Variants in SLC5A3 observed in about 807,000 individuals in gnomAD.
The protein encoded by SLC5A3 is solute carrier family 5 member 3, also known as sodium/myo-inositol cotransporter.
In SLC5A3, 10 loss-of-function variants were observed where a neutral mutation model predicts 43.2. That is an observed-to-expected ratio of 0.23 (90% confidence interval 0.14 to 0.39). The LOEUF is 0.39. SLC5A3 is among the 10% of genes least tolerant of loss of function. The pLI is 1.00. For missense variants in SLC5A3, 608 were observed against 893.4 expected, an observed-to-expected ratio of 0.68 and a Z score of 4.07; for synonymous variants, 349 against 322.0, an observed-to-expected ratio of 1.08 and a Z score of -0.90.
At chr21:34,075,319 G>A (rs1163965368) in intron 1 of SLC5A3, among the ~76,000 whole-genome samples, 1 of 152,188 alleles carries the variant, frequency 6.6e-6, no homozygotes, top group Admixed American at 6.5e-5. Flanking sequence ...CCTTTGAAAT[G>A]AAGACTTGCC....
intron 1 of SLC5A3, among the ~76,000 whole-genome samples, chr21:34,091,303 G>C (rs1213208683): frequency 6.6e-6 from 1 of 152,174 alleles, no homozygotes; most frequent in Non-Finnish European, 1.5e-5. Context: ...GAAGCCCTGA[G>C]TATAGGAGAT....
rs758824444 is a variant in SLC5A3 at position 34,073,779 on chromosome 21, C to G, written c.-337+34C>G. 8.3e-6 allele frequency: 12 copies of G among 1,446,156 alleles called. 1 individual carries two copies. In the South Asian group the frequency reaches 1.5e-4, roughly 18 times the overall value. The allele number at this position is 1,446,156 out of a possible 1,614,324, so 89.6% of individuals were successfully genotyped here. On this transcript the variant is annotated intron_variant, in intron 1 of 1. Coordinates refer to ENST00000381151, the MANE Select transcript of SLC5A3 (RefSeq NM_006933.7). ...CCTTCCCTCAGAGCCGGTCTTCCCG[C>G]GCGGGCGCCCCCGCTGCCGCTAGGC...
intron 1 of SLC5A3, among the ~76,000 whole-genome samples, chr21:34,092,993 CA>C (rs910995137): frequency 2.6e-5 from 4 of 152,148 alleles, no homozygotes; most frequent in African/African-American, 9.7e-5. Flanking sequence ...TTGTAATTGA[CA>C]CAGCAGTTTT....
In SLC5A3 at chr21:34,096,588, C is replaced by T. The variant is rs897218283; in HGVS notation, c.1390C>T (p.Arg464Cys). 2 of 1,613,968 alleles carry T rather than the reference C, an allele frequency of 1.2e-6. No individual in the cohort carries two copies. The highest frequency in any genetic ancestry group is 1.7e-6 in the Non-Finnish European group (2 of 1,180,000). ...ALFLLAIFWK[R>C]CNEQGAFYGG... The stretch of plus-strand genomic sequence containing the variant: ...GTTCCTGCTGGCAATTTTCTGGAAG[C>T]GCTGCAATGAACAAGGGGCTTTCTA... Residue 464 changes from arginine to cysteine, a missense_variant, in exon 2 of 2, where the codon CGC (arginine) becomes TGC (cysteine). By Grantham distance (180) the Arg-to-Cys change is radical. Coordinates refer to ENST00000381151, the MANE Select transcript of SLC5A3 (RefSeq NM_006933.7). The surrounding 1 kb of genome is among the most constrained non-coding windows in gnomAD (Gnocchi z 5.9).
At position 34,096,649 on chromosome 21, in the gene SLC5A3, G is replaced by GT; in HGVS notation, c.1454dup (p.Leu485PhefsTer13). On this transcript the variant is annotated frameshift_variant, in exon 2 of 2. Coordinates refer to ENST00000381151, the MANE Select transcript of SLC5A3 (RefSeq NM_006933.7). LOFTEE classifies it high-confidence loss of function. This position sits in a 1 kb window ranked among gnomAD's most constrained non-coding sequence, Gnocchi z 5.9. ...GCTGGCTTTGTTCTTGGAGCAGTCC[G>GT]TTTGATACTGGCCTTTGCCTACCGT... The GT allele has an allele frequency of 6.2e-7, 1 of 1,614,130 alleles. No homozygotes were observed. Among genetic ancestry groups the GT allele is most frequent in the Non-Finnish European group, 8.5e-7 (1 of 1,180,006 alleles).
intron 1 of SLC5A3, among the ~76,000 whole-genome samples, chr21:34,084,768 G>A (rs1989533505): frequency 6.6e-6 from 1 of 152,068 alleles, no homozygotes; most frequent in Non-Finnish European, 1.5e-5. Flanking sequence ...TTAATTTCCA[G>A]TCTGCTCACC....
Position 34,089,549 on chromosome 21 carries a change from C to T in SLC5A3, c.-336-5314C>T, listed in dbSNP as rs76277412. ...CAGGTTAAAATGAATATATCTTGGG[C>T]GGAGTGTATATGGATGAAGTAAATC... On this transcript the variant is annotated intron_variant, in intron 1 of 1. Transcript: ENST00000381151. Among the ~76,000 whole-genome samples the T allele has an allele frequency of 7.7e-3, 1,166 of 152,034 alleles. 14 individuals carry two copies. The highest frequency in any genetic ancestry group is 0.027 in the African/African-American group (1,106 of 41,454).
chr21:34,101,939 A>T lies in SLC5A3; in HGVS notation c.*4584A>T. On this transcript the variant is annotated 3_prime_UTR_variant, in exon 2 of 2. Coordinates refer to ENST00000381151, the MANE Select transcript of SLC5A3 (RefSeq NM_006933.7). Reference sequence around the variant, plus strand: ...AAATGATGGTGTCAGAGTGCAGAGAAACAATGGAGTTTTGATGCCAAAAAG... The same window carrying T: ...AAATGATGGTGTCAGAGTGCAGAGATACAATGGAGTTTTGATGCCAAAAAG... 1.0e-6 allele frequency: 1 copy of T among 1,000,160 alleles called. No homozygotes were observed. The highest frequency in any genetic ancestry group is 1.2e-6 in the Non-Finnish European group (1 of 829,890). The allele number at this position is 1,000,160 out of a possible 1,614,324, so 62.0% of individuals were successfully genotyped here.
Position 34,097,186 on chromosome 21 carries a change from G to C in SLC5A3, c.1988G>C (p.Gly663Ala). The change falls in exon 2 of 2, where the codon GGC becomes GCC. Residue 663 changes from glycine (G) to alanine (A), a missense_variant. This residue lies in a region of SLC5A3 where 210 missense variants were observed against 224.8 expected (regional missense o/e 0.93). Transcript: ENST00000381151. ...TGGAAGTTCATAGACTGGTTTTGTGGCTTTAAAAGTAAGAGCCTCAGCAAG... is the reference window on the plus strand; with the variant it reads ...TGGAAGTTCATAGACTGGTTTTGTGCCTTTAAAAGTAAGAGCCTCAGCAAG... ...RYWKFIDWFC[G>A]FKSKSLSKRS... 1.2e-6 allele frequency: 2 copies of C among 1,614,084 alleles called. No homozygotes were observed. The highest frequency in any genetic ancestry group is 2.7e-5 in the African/African-American group (2 of 75,030).
intron 1 of SLC5A3, among the ~76,000 whole-genome samples, chr21:34,075,432 T>A (rs1160039160): frequency 6.6e-6 from 1 of 152,188 alleles, no homozygotes; most frequent in Non-Finnish European, 1.5e-5. Flanking sequence ...TGTAATAACA[T>A]AGCCTTTGGA....
At position 34,100,567 on chromosome 21, in the gene SLC5A3, A is replaced by AG. The variant is rs1979190429; in HGVS notation, c.*3213dup. 5 of 1,000,288 alleles carry AG rather than the reference A, an allele frequency of 5.0e-6. No individual in the cohort carries two copies. The South Asian group carries it at 2.3e-4, about 47-fold the overall frequency. 62.0% of individuals were successfully genotyped at this position (1,000,288 alleles called of 1,614,324 possible). A position where few individuals can be genotyped will look rare whatever the true frequency, so the allele number is the denominator to read the frequency against. ...GGATCCATTGTATTTTGGCACAAAG[A>AG]GCCTGGCCAGGGTCATGTAGCCATA... On this transcript the variant is annotated 3_prime_UTR_variant, in exon 2 of 2. Transcript: ENST00000381151.
chr21:34,079,499 G>A (rs1182235706), intron 1 of SLC5A3, among the ~76,000 whole-genome samples: 2 of 151,108 alleles, frequency 1.3e-5, no homozygotes, highest in Non-Finnish European at 2.9e-5. Flanking sequence ...GCAGTGGCAC[G>A]ATCTCGGCTC....
intron 1 of SLC5A3, among the ~76,000 whole-genome samples, chr21:34,074,213 C>T (rs1451186290): frequency 6.6e-6 from 1 of 150,772 alleles, no homozygotes. Context: ...CTGCCGCCGA[C>T]CGCCTCCGCT....
Position 34,106,179 on chromosome 21 carries a change from T to C in SLC5A3, c.*8824T>C. ...AAAGTACATTCCTTTCTGTGGTATT[T>C]TGTCCTGTAACTGAAGTATAGTAAT... On this transcript the variant is annotated 3_prime_UTR_variant, in exon 2 of 2. Transcript: ENST00000381151. 1 of 986,788 alleles carries C rather than the reference T, an allele frequency of 1.0e-6. No individual in the cohort carries two copies. Among genetic ancestry groups the C allele is most frequent in the South Asian group, 4.8e-5 (1 of 21,018 alleles). 61.1% of individuals were successfully genotyped at this position (986,788 alleles called of 1,614,324 possible). A position where few individuals can be genotyped will look rare whatever the true frequency, so the allele number is the denominator to read the frequency against.
rs763983762 is a variant in SLC5A3, at chr21:34,096,137, A to G, written c.939A>G (p.Ile313Met). 1.9e-6 allele frequency: 3 copies of G among 1,614,164 alleles called. No homozygotes were observed. The highest frequency in any genetic ancestry group is 2.2e-5 in the East Asian group (1 of 44,884). ...GFLKLLPMFI[I>M]VVPGMISRIL... ...TAAAGCTCCTGCCAATGTTTATCAT[A>G]GTTGTCCCAGGAATGATTTCCAGGA... is the stretch of plus-strand genomic sequence containing the variant. The change falls in exon 2 of 2, where the codon ATA becomes ATG. Residue 313 changes from isoleucine (I) to methionine (M), a missense_variant. Transcript: ENST00000381151. This position sits in a 1 kb window ranked among gnomAD's most constrained non-coding sequence, Gnocchi z 5.9.
chr21:34,075,917 G>T (rs192840663), intron 1 of SLC5A3, among the ~76,000 whole-genome samples: 1 of 152,220 alleles, frequency 6.6e-6, no homozygotes, highest in Non-Finnish European at 1.5e-5. Context: ...TTGCACACCG[G>T]TAGCAGGCCT....
rs1036991006 is a variant in SLC5A3, at chr21:34,098,319, T to C, written c.*964T>C. 4.0e-6 allele frequency: 4 copies of C among 1,000,046 alleles called. No homozygotes were observed. The highest frequency in any genetic ancestry group is 1.7e-5 in the African/African-American group (1 of 57,254). The allele number at this position is 1,000,046 out of a possible 1,614,324, so 61.9% of individuals were successfully genotyped here. ...CCTAGGTGGATCCAGTTGGAAGATATGTCCAGAAACCTGAAGAAAAATTGA... is the reference window on the plus strand; with the variant it reads ...CCTAGGTGGATCCAGTTGGAAGATACGTCCAGAAACCTGAAGAAAAATTGA... On this transcript the variant is annotated 3_prime_UTR_variant, in exon 2 of 2. Transcript: ENST00000381151.
chr21:34,091,601 C>T (rs904305701), intron 1 of SLC5A3, among the ~76,000 whole-genome samples: 5 of 152,144 alleles, frequency 3.3e-5, no homozygotes, highest in East Asian at 1.9e-4. Flanking sequence ...TTTATATTTA[C>T]ACTTCTCTAT....
In SLC5A3 at chr21:34,102,150, C is replaced by T. The variant is rs916256344; in HGVS notation, c.*4795C>T. The T allele has an allele frequency of 7.0e-6, 7 of 999,914 alleles. No homozygotes were observed. Among genetic ancestry groups the T allele is most frequent in the Non-Finnish European group, 8.4e-6 (7 of 829,892 alleles). 61.9% of individuals were successfully genotyped at this position (999,914 alleles called of 1,614,324 possible). On this transcript the variant is annotated 3_prime_UTR_variant, in exon 2 of 2. Coordinates refer to ENST00000381151, the MANE Select transcript of SLC5A3 (RefSeq NM_006933.7). ...ATATGGAATGTTTTTGTCAGACTGT[C>T]CTTTGTTGGAATACTTTAGCTGTTC... is the stretch of plus-strand genomic sequence containing the variant.
Sources: allele counts gnomAD v4.1 joint callset (sites outside exome capture counted in the v4.1 genomes callset), GRCh38; gene constraint gnomAD v4.1.1; regional missense constraint gnomAD v4.1.1; non-coding constraint Gnocchi (gnomAD v3.1); transcripts MANE v1.5; gene names NCBI Gene and HGNC (gene_info 2026-07-23, HGNC 2026-07-21).